Variants in FAM107A observed in about 807,000 individuals in gnomAD.
The protein encoded by FAM107A is actin-associated protein FAM107A.
A neutral mutation model predicts 13.7 loss-of-function variants in FAM107A; 19 were observed. The observed-to-expected ratio is 1.38, with a 90% CI of 0.97 to 2.03. The LOEUF (loss-of-function observed/expected upper bound fraction) is 2.03. Ranked by LOEUF, FAM107A falls within the 30% of genes most tolerant of loss-of-function variation. The pLI, the probability that FAM107A is intolerant of heterozygous loss-of-function variation, is 0.00. For synonymous variants in FAM107A, 82 were observed against 74.5 expected (o/e 1.10, Z -0.52); for missense variants, 203 against 184.4 (o/e 1.10, Z -0.58).
upstream of FAM107A, among the ~76,000 whole-genome samples, chr3:58,580,858 G>C (rs72876129): frequency 3.1e-4 from 47 of 152,234 alleles, no homozygotes; most frequent in African/African-American, 1.1e-3. Flanking sequence ...AAAGGCCCTA[G>C]CATATATTAC....
rs2065912911 is a variant in FAM107A at position 58,617,310 on chromosome 3, C to T, written c.-70+10106G>A. Among the ~76,000 whole-genome samples, 1 of 152,068 alleles carries T rather than the reference C, an allele frequency of 6.6e-6. No homozygotes were observed. Among genetic ancestry groups the T allele is most frequent in the Admixed American group, 6.6e-5 (1 of 15,258 alleles). ...GTGGAGAAAAATCCCCGGATGGTCC[C>T]TCAAAAGGACAGACACTGCCCCATT... is the stretch of plus-strand genomic sequence containing the variant. On this transcript the variant is annotated intron_variant, in intron 1 of 3. Transcript: ENST00000465970. The surrounding 1 kb of genome is among the most constrained non-coding windows in gnomAD (Gnocchi z 4.5).
intron 1 of FAM107A, among the ~76,000 whole-genome samples, chr3:58,603,320 T>C (rs144936063): frequency 6.6e-6 from 1 of 152,304 alleles, no homozygotes; most frequent in Non-Finnish European, 1.5e-5. Context: ...ACCTACTATG[T>C]GCCAGGCATT....
chr3:58,614,051 C>T (rs1481701353), intron 1 of FAM107A, among the ~76,000 whole-genome samples: 8 of 152,120 alleles, frequency 5.3e-5, no homozygotes, highest in Admixed American at 1.3e-4. Flanking sequence ...GAAAAACTGC[C>T]GCTGAAACTT....
chr3:58,575,056 GCTGT>G (rs1426365479), intron 1 of FAM107A, among the ~76,000 whole-genome samples: 1 of 152,198 alleles, frequency 6.6e-6, no homozygotes, highest in South Asian at 2.1e-4. Flanking sequence ...GGGACCCCAG[GCTGT>G]CTAAGGCCTC....
At chr3:58,622,537 C>A (rs2065966326) in intron 1 of FAM107A, among the ~76,000 whole-genome samples, 1 of 152,204 alleles carries the variant, frequency 6.6e-6, no homozygotes, top group Non-Finnish European at 1.5e-5. Context: ...TTTCCGTCAT[C>A]TTCCCTCACA....
chr3:58,599,696 A>ATTTTTTTTTTTTTTTTTTTTTTTTTTTT (rs57244654), intron 1 of FAM107A, among the ~76,000 whole-genome samples: 1 of 78,570 alleles, frequency 1.3e-5, no homozygotes, highest in Admixed American at 1.3e-4. Flanking sequence ...CAAGTGCACC[A>ATTTTTTTTTTTTTTTTTTTTTTTTTTTT]TTTTTTTTTT....
At chr3:58,619,760 A>G (rs1053582628) in intron 1 of FAM107A, among the ~76,000 whole-genome samples, 1 of 152,216 alleles carries the variant, frequency 6.6e-6, no homozygotes, top group Non-Finnish European at 1.5e-5. Flanking sequence ...CTGGGTCCCT[A>G]TGCCCAGTCA....
At chr3:58,589,287 G>A (rs1191726922), upstream of FAM107A, 4 of 1,508,864 alleles carry the variant, frequency 2.7e-6, no homozygotes, top group Non-Finnish European at 3.6e-6. Context: ...CAGAAAGAAA[G>A]TAGGTGGAGT....
At chr3:58,614,884 C>A (rs1371523814) in intron 1 of FAM107A, among the ~76,000 whole-genome samples, 1 of 152,204 alleles carries the variant, frequency 6.6e-6, no homozygotes, top group East Asian at 1.9e-4. Flanking sequence ...TGGCTCACTG[C>A]AACCTCCGCC....
At chr3:58,592,485 C>T (rs937113507) in intron 1 of FAM107A, among the ~76,000 whole-genome samples, 1 of 152,168 alleles carries the variant, frequency 6.6e-6, no homozygotes, top group Non-Finnish European at 1.5e-5. Context: ...TAGGTAGAGG[C>T]CTTTCCCACA....
chr3:58,581,747 A>G (rs2065546813), upstream of FAM107A, among the ~76,000 whole-genome samples: 1 of 152,244 alleles, frequency 6.6e-6, no homozygotes, highest in Admixed American at 6.5e-5. Flanking sequence ...TGAACCGGGA[A>G]GAATTTACCC....
chr3:58,566,477 G>A lies in FAM107A; in HGVS notation c.*111C>T, dbSNP rs1020519519. On this transcript the variant is annotated 3_prime_UTR_variant, in exon 4 of 4. Transcript: ENST00000360997. Reference sequence around the variant, plus strand: ...GTGACACATTTCTACAGAAGCAGGTGGGAACATCACAGACGTCCCAGGGCC... The same window carrying A: ...GTGACACATTTCTACAGAAGCAGGTAGGAACATCACAGACGTCCCAGGGCC... 92 of 769,766 alleles carry A rather than the reference G, an allele frequency of 1.2e-4. No individual in the cohort carries two copies. The Admixed American group carries it at 1.2e-3, about 10-fold the overall frequency. 47.7% of individuals were successfully genotyped at this position (769,766 alleles called of 1,614,324 possible). A position where few individuals can be genotyped will look rare whatever the true frequency, so the allele number is the denominator to read the frequency against.
At chr3:58,594,145 AG>A (rs2065679068) in intron 1 of FAM107A, among the ~76,000 whole-genome samples, 1 of 152,186 alleles carries the variant, frequency 6.6e-6, no homozygotes, top group Non-Finnish European at 1.5e-5. Flanking sequence ...CAAAACCATT[AG>A]GGGCTTTTCA....
At chr3:58,583,350 C>T (rs139724602) in intron 1 of FAM107A, among the ~76,000 whole-genome samples, 435 of 151,900 alleles carry the variant, frequency 2.9e-3, no homozygotes, top group African/African-American at 0.01. Context: ...TAGCCGGGTG[C>T]GGTGGCTCAT....
chr3:58,577,491 T>A (rs935798537), upstream of FAM107A: 3 of 985,222 alleles, frequency 3.0e-6, no homozygotes, highest in African/African-American at 5.2e-5. The surrounding 1 kb of genome is among the most constrained non-coding windows in gnomAD (Gnocchi z 4.9). Flanking sequence ...TTTATTCTGG[T>A]ATCAATAAAA....
intron 1 of FAM107A, chr3:58,570,315 G>T: frequency 1.1e-6 from 1 of 896,396 alleles, no homozygotes; most frequent in Non-Finnish European, 1.3e-6. Context: ...GTGATAAAAA[G>T]AAAGTATTAC....
upstream of FAM107A, chr3:58,589,273 T>C: frequency 1.3e-6 from 2 of 1,530,206 alleles, no homozygotes; most frequent in South Asian, 1.2e-5. Flanking sequence ...ATGTTTTCTG[T>C]AAACAGAAAG....
rs1262158546 is a variant in FAM107A, at chr3:58,565,619, G to A, written c.*969C>T. On this transcript the variant is annotated 3_prime_UTR_variant, in exon 4 of 4. Transcript: ENST00000360997. ...TGGGGTGGGAGTCTGGGATGGGGTG[G>A]ATAATGAAGGATACCTGGGGTTGCA... 11 of 151,712 alleles carry A rather than the reference G, an allele frequency of 7.3e-5. No homozygotes were observed. Among genetic ancestry groups the A allele is most frequent in the Admixed American group, 7.2e-4 (11 of 15,242 alleles). The allele number at this position is 151,712 out of a possible 1,614,324, so 9.4% of individuals were successfully genotyped here.
chr3:58,567,033 C>G, intron 3 of FAM107A, 175 bp downstream of exon 3: 1 of 764,410 alleles, frequency 1.3e-6, no homozygotes. Flanking sequence ...GCCACTCGCC[C>G]TAAGGACCTA....
Sources: gnomAD v4.1 joint callset for allele counts (sites outside exome capture counted in the v4.1 genomes callset) on GRCh38, gnomAD v4.1.1 for gene constraint, Gnocchi (gnomAD v3.1) non-coding constraint, MANE v1.5 for transcripts, NCBI Gene and HGNC (gene_info 2026-07-23, HGNC 2026-07-21) for gene names.